CLASP1: variants seen among roughly 807,000 people sequenced by gnomAD.
CLASP1 encodes CLIP-associating protein 1.
CLASP1 carries 38 observed loss-of-function variants against 192.3 expected under a neutral mutation model. The ratio of observed to expected loss-of-function variants is 0.20; its 90% CI spans 0.15 to 0.26. The LOEUF (loss-of-function observed/expected upper bound fraction) is 0.26, where lower values mean the gene tolerates loss of function less well. Among genes scored for constraint, CLASP1 ranks in the 10% least tolerant of loss-of-function variants. The pLI is 1.00. For synonymous variants in CLASP1, 691 were observed against 712.8 expected, an observed-to-expected ratio of 0.97 and a Z score of 0.49; for missense variants, 1,433 against 1,932.5, an observed-to-expected ratio of 0.74 and a Z score of 4.85.
At chr2:121,430,622 CA>C (rs1038390454) in intron 19 of CLASP1, among the ~76,000 whole-genome samples, 10 of 149,754 alleles carry the variant, frequency 6.7e-5, no homozygotes, top group East Asian at 1.9e-4. Context: ...AGAGTAATAC[CA>C]AAAAAAAACC....
At chr2:121,392,501 T>G (rs1237504617) in intron 30 of CLASP1, among the ~76,000 whole-genome samples, 1 of 152,218 alleles carries the variant, frequency 6.6e-6, no homozygotes, top group Non-Finnish European at 1.5e-5. Context: ...GGACTCTTCC[T>G]GTGGCTGCAA....
chr2:121,464,563 T>C (rs1027185706), intron 9 of CLASP1, among the ~76,000 whole-genome samples: 44 of 152,220 alleles, frequency 2.9e-4, no homozygotes, highest in Non-Finnish European at 4.7e-4. Context: ...TGGTATCTCA[T>C]TGTGGTTTTG....
intron 24 of CLASP1, 62 bp from the exon 26 acceptor site, chr2:121,407,777 G>A: frequency 6.3e-7 from 1 of 1,584,926 alleles, no homozygotes. Flanking sequence ...AAATGACTGT[G>A]AGTCACACCA....
intron 1 of CLASP1, among the ~76,000 whole-genome samples, chr2:121,624,568 C>G (rs2067973513): frequency 6.6e-6 from 1 of 152,150 alleles, no homozygotes; most frequent in African/African-American, 2.4e-5. Context: ...AGGTACCCAC[C>G]ACCATGCCCG....
chr2:121,339,607 G>A (rs1345276919), exon 40 of CLASP1: 1 of 152,102 alleles, frequency 6.6e-6, no homozygotes, highest in African/African-American at 2.4e-5. Context: ...TTTTTAAAAA[G>A]GGGGCCTAGT....
chr2:121,465,746 C>A (rs2089433271), intron 9 of CLASP1, among the ~76,000 whole-genome samples: 1 of 152,204 alleles, frequency 6.6e-6, no homozygotes, highest in Admixed American at 6.5e-5. Context: ...AAGCTGGAGG[C>A]ATCACGCTAC....
At chr2:121,626,629 T>A (rs932805226) in intron 1 of CLASP1, among the ~76,000 whole-genome samples, 1 of 152,184 alleles carries the variant, frequency 6.6e-6, no homozygotes, top group Admixed American at 6.5e-5. Context: ...CTTGCTATGT[T>A]GCCCATGCTG....
intron 37 of CLASP1, among the ~76,000 whole-genome samples, chr2:121,355,193 G>C (rs965712780): frequency 1.3e-4 from 20 of 152,256 alleles, no homozygotes; most frequent in African/African-American, 4.8e-4. Flanking sequence ...CTGTTGCCCA[G>C]GCTGGAGTGC....
chr2:121,439,850 T>C (rs35789104), intron 19 of CLASP1, among the ~76,000 whole-genome samples: 35,867 of 146,698 alleles, frequency 0.24, 6,952 homozygotes, highest in African/African-American at 0.54. Context: ...AGCCAAACAC[T>C]GCATATTCTC....
intron 19 of CLASP1, among the ~76,000 whole-genome samples, chr2:121,432,128 T>C (rs1272197813): frequency 3.3e-5 from 5 of 152,142 alleles, no homozygotes; most frequent in African/African-American, 1.2e-4. Context: ...AATTAATTAA[T>C]ATATGAGGCA....
intron 2 of CLASP1, among the ~76,000 whole-genome samples, chr2:121,589,486 C>T (rs369948489): frequency 1.9e-4 from 29 of 152,020 alleles, no homozygotes; most frequent in African/African-American, 4.3e-4. Flanking sequence ...AAAAATTAGC[C>T]GGGTGTGGTG....
chr2:121,453,340 T>C (rs2149813840), intron 14 of CLASP1, among the ~76,000 whole-genome samples: 1 of 152,218 alleles, frequency 6.6e-6, no homozygotes, highest in South Asian at 2.1e-4. Context: ...CTTTACCCCA[T>C]GCTAGATGCT....
chr2:121,344,435 G>A (rs959638438), intron 39 of CLASP1, among the ~76,000 whole-genome samples: 1 of 151,898 alleles, frequency 6.6e-6, no homozygotes, highest in African/African-American at 2.4e-5. Context: ...AGGTTCAAGC[G>A]ATTCTCCTGC....
In CLASP1 at chr2:121,607,490, A is replaced by G. The variant is rs551276661; in HGVS notation, c.-285-1310T>C. On this transcript the variant is annotated intron_variant, in intron 1 of 39. Coordinates refer to ENST00000263710, the Ensembl canonical transcript of CLASP1. ...AGTAGGGTAAAATACATGATATGAG[A>G]AAAGTACCAAAACCGTTCTAACTAC... 4.6e-5 allele frequency among the ~76,000 whole-genome samples: 7 copies of G among 152,348 alleles called. No homozygotes were observed. In the South Asian group the frequency reaches 1.2e-3, roughly 27 times the overall value.
chr2:121,500,903 A>T (rs2093730897), intron 8 of CLASP1, among the ~76,000 whole-genome samples: 1 of 152,052 alleles, frequency 6.6e-6, no homozygotes, highest in African/African-American at 2.4e-5. Context: ...TCAACCCTAA[A>T]CCTATGTGTG....
intron 8 of CLASP1, among the ~76,000 whole-genome samples, chr2:121,474,026 T>C (rs1417900868): frequency 6.6e-6 from 1 of 152,202 alleles, no homozygotes; most frequent in Non-Finnish European, 1.5e-5. Context: ...ATACAGTAAA[T>C]ATGTGGATAA....
At chr2:121,400,458 T>C (rs2075994519) in intron 28 of CLASP1, among the ~76,000 whole-genome samples, 1 of 152,204 alleles carries the variant, frequency 6.6e-6, no homozygotes, top group Non-Finnish European at 1.5e-5. Flanking sequence ...CAGGGCAGGA[T>C]GTGCTACTGT....
intron 2 of CLASP1, among the ~76,000 whole-genome samples, chr2:121,553,815 A>C (rs1361902775): frequency 6.6e-6 from 1 of 152,228 alleles, no homozygotes; most frequent in Admixed American, 6.5e-5. Context: ...TACTGTCATA[A>C]TTCATATAGC....
At chr2:121,462,281 T>C (rs2088230626) in intron 10 of CLASP1, among the ~76,000 whole-genome samples, 1 of 152,114 alleles carries the variant, frequency 6.6e-6, no homozygotes, top group Non-Finnish European at 1.5e-5. Flanking sequence ...TCTATTTCTT[T>C]CTCTTTTATG....
Sources: gnomAD v4.1 joint callset for allele counts (sites outside exome capture counted in the v4.1 genomes callset) on GRCh38, gnomAD v4.1.1 for gene constraint, MANE v1.5 for transcripts, NCBI Gene and HGNC (gene_info 2026-07-23, HGNC 2026-07-21) for gene names.